The following SLC12A1 variants were observed in gnomAD, a reference collection of about 807,000 sequenced individuals.
SLC12A1 encodes the protein Na-K-2Cl cotransporter.
SLC12A1 carries 89 observed loss-of-function variants against 130.4 expected under a neutral mutation model. The observed-to-expected ratio is 0.68, with a 90% CI of 0.58 to 0.81. SLC12A1 has a LOEUF of 0.81. SLC12A1 is among the 40% of genes least tolerant of loss of function. SLC12A1 has a pLI of 0.00. For synonymous variants in SLC12A1, 499 were observed against 460.0 expected (o/e 1.08, Z -1.09); for missense variants, 1,310 against 1,336.4 (o/e 0.98, Z 0.31).
intron 15 of SLC12A1, among the ~76,000 whole-genome samples, chr15:48,253,657 A>G (rs2041672160): frequency 6.6e-6 from 1 of 152,014 alleles, no homozygotes; most frequent in African/African-American, 2.4e-5. Context: ...TTATGTTTTC[A>G]TTTTCCCTTG....
intron 9 of SLC12A1, chr15:48,235,493 G>A (rs761632361): frequency 6.2e-4 from 116 of 188,450 alleles, no homozygotes; most frequent in Non-Finnish European, 9.3e-4. Context: ...GCCTAAACAA[G>A]ATGCAGGTTT....
intron 17 of SLC12A1, among the ~76,000 whole-genome samples, chr15:48,263,867 A>T (rs953018384): frequency 1.3e-5 from 2 of 151,788 alleles, no homozygotes; most frequent in Non-Finnish European, 2.9e-5. Context: ...TAATTTTTGT[A>T]TTTTTTGTAG....
At chr15:48,289,394 CATATAT>C (rs10609887) in intron 23 of SLC12A1, among the ~76,000 whole-genome samples, 7,070 of 112,520 alleles carry the variant, frequency 0.063, 317 homozygotes, top group East Asian at 0.14. Flanking sequence ...GTGAATGTGA[CATATAT>C]ATATATATAT....
intron 2 of SLC12A1, among the ~76,000 whole-genome samples, chr15:48,218,402 A>G (rs1230672023): frequency 6.6e-6 from 1 of 152,078 alleles, no homozygotes; most frequent in African/African-American, 2.4e-5. Context: ...TAAAAAGACA[A>G]GGAGAAGAAC....
At chr15:48,254,336 G>A (rs1469711094) in intron 15 of SLC12A1, among the ~76,000 whole-genome samples, 4 of 151,844 alleles carry the variant, frequency 2.6e-5, no homozygotes, top group African/African-American at 4.8e-5. Flanking sequence ...ACATACAAAC[G>A]TCCAATTGAC....
intron 5 of SLC12A1, chr15:48,227,483 T>C (rs1379563924): frequency 2.8e-6 from 1 of 352,866 alleles, no homozygotes; most frequent in Non-Finnish European, 5.3e-6. Flanking sequence ...CCACTGGCTC[T>C]CTCGCAGGTC....
chr15:48,300,465 C>A (rs2042221602), intron 25 of SLC12A1, among the ~76,000 whole-genome samples: 2 of 152,154 alleles, frequency 1.3e-5, no homozygotes, highest in African/African-American at 4.8e-5. Flanking sequence ...GAGACCCTGA[C>A]CCCTGGGGCC....
intron 24 of SLC12A1, among the ~76,000 whole-genome samples, chr15:48,296,359 A>G (rs573474920): frequency 9.9e-5 from 15 of 152,218 alleles, no homozygotes; most frequent in Non-Finnish European, 2.1e-4. Flanking sequence ...GGTGAAAGGG[A>G]GTACAAAAGC....
intron 21 of SLC12A1, 55 bp from the exon 22 acceptor site, chr15:48,287,988 A>T: frequency 6.4e-7 from 1 of 1,571,252 alleles, no homozygotes; most frequent in Non-Finnish European, 8.6e-7. Context: ...TTGGAAAGTT[A>T]TTTTGTTTCT....
At chr15:48,231,027 A>G (rs999814359) in intron 7 of SLC12A1, among the ~76,000 whole-genome samples, 112 of 152,188 alleles carry the variant, frequency 7.4e-4, no homozygotes, top group Non-Finnish European at 2.1e-4. Context: ...GATGGGAAAC[A>G]TGTCTTTTGC....
intron 6 of SLC12A1, among the ~76,000 whole-genome samples, chr15:48,229,672 T>C (rs2041345828): frequency 1.3e-5 from 2 of 152,170 alleles, no homozygotes; most frequent in South Asian, 2.1e-4. Flanking sequence ...AGATAAATAA[T>C]GGATATTGCT....
intron 23 of SLC12A1, among the ~76,000 whole-genome samples, chr15:48,290,065 C>T (rs2042103402): frequency 1.3e-5 from 2 of 152,156 alleles, no homozygotes; most frequent in South Asian, 4.1e-4. Context: ...ACGTATTGTA[C>T]AGCTATGCAA....
intron 2 of SLC12A1, among the ~76,000 whole-genome samples, chr15:48,216,191 T>C (rs1482272109): frequency 6.6e-6 from 1 of 152,192 alleles, no homozygotes; most frequent in African/African-American, 2.4e-5. Context: ...AAATGATTGC[T>C]TTACTAACTT....
chr15:48,302,607 A>G lies in SLC12A1; in HGVS notation c.3165-143A>G, dbSNP rs2042247443. The G allele has an allele frequency of 9.7e-6, 4 of 412,970 alleles. No individual in the cohort carries two copies. In the Admixed American group the frequency reaches 1.8e-4, roughly 18 times the overall value. The allele number at this position is 412,970 out of a possible 1,614,324, so 25.6% of individuals were successfully genotyped here. A position where few individuals can be genotyped will look rare whatever the true frequency, so the allele number is the denominator to read the frequency against. ...TGCAGTCCGCAGTCCGGCCTGGGCG[A>G]CAGAGCGAGACTCCGTCTCAAAAAA... On this transcript the variant is annotated intron_variant, in intron 26 of 26. Coordinates refer to ENST00000380993, the MANE Select transcript of SLC12A1 (RefSeq NM_000338.3).
At chr15:48,267,772 A>T (rs1024890788) in intron 18 of SLC12A1, 71 bp downstream of exon 18, 2 of 1,534,768 alleles carry the variant, frequency 1.3e-6, no homozygotes, top group Non-Finnish European at 1.8e-6. Context: ...AAGGCTCCCA[A>T]AGTGAACAGC....
At position 48,217,532 on chromosome 15, in the gene SLC12A1, TA is replaced by T. The variant is rs2041138761; in HGVS notation, c.421-3100del. On this transcript the variant is annotated intron_variant, in intron 2 of 26. Transcript: ENST00000380993. ...CCTCAGGTAATTAAAAGCTAAATTT[TA>T]ATTATTAACTTCAATCTCCTCTGTT... Among the ~76,000 whole-genome samples, 7 of 152,344 alleles carry T rather than the reference TA, an allele frequency of 4.6e-5. No individual in the cohort carries two copies. In the South Asian group the frequency reaches 1.4e-3, roughly 32 times the overall value.
At position 48,269,616 on chromosome 15, in the gene SLC12A1, A is replaced by G. The variant is rs763056036; in HGVS notation, c.2296-42A>G. 5 of 1,026,038 alleles carry G rather than the reference A, an allele frequency of 4.9e-6. No individual in the cohort carries two copies. In the East Asian group the frequency reaches 9.6e-5, roughly 20 times the overall value. 63.6% of individuals were successfully genotyped at this position (1,026,038 alleles called of 1,614,324 possible). A position where few individuals can be genotyped will look rare whatever the true frequency, so the allele number is the denominator to read the frequency against. ...TTTTCATTTGTGATGGTAGTTTCCCAGTACGGTAAGGATTGCCCACATTTT... is the reference window on the plus strand; with the variant it reads ...TTTTCATTTGTGATGGTAGTTTCCCGGTACGGTAAGGATTGCCCACATTTT... On this transcript the variant is annotated intron_variant, in intron 18 of 26. Transcript: ENST00000380993.
intron 17 of SLC12A1, among the ~76,000 whole-genome samples, chr15:48,266,482 C>T (rs2041833120): frequency 6.8e-6 from 1 of 147,782 alleles, no homozygotes; most frequent in Non-Finnish European, 1.5e-5. Flanking sequence ...TGTCCTTTCT[C>T]TCCAATCTAA....
At chr15:48,266,284 GA>G (rs1461882167) in intron 17 of SLC12A1, among the ~76,000 whole-genome samples, 2 of 152,172 alleles carry the variant, frequency 1.3e-5, no homozygotes, top group African/African-American at 4.8e-5. Context: ...CCGGGGCTTT[GA>G]TGACATTGCA....
Sources: allele counts gnomAD v4.1 joint callset (sites outside exome capture counted in the v4.1 genomes callset), GRCh38; gene constraint gnomAD v4.1.1; transcripts MANE v1.5; gene names NCBI Gene and HGNC (gene_info 2026-07-23, HGNC 2026-07-21).